The following NELL1 variants were observed in gnomAD, a reference collection of about 807,000 sequenced individuals.
NELL1 encodes neural EGFL like 1.
Under a neutral mutation model 107.4 loss-of-function variants are expected in NELL1, and 76 were observed. The observed-to-expected ratio is 0.71, with a 90% CI of 0.59 to 0.86. The LOEUF (loss-of-function observed/expected upper bound fraction) is 0.86. NELL1 is among the 40% of genes least tolerant of loss of function. The pLI is 0.00. For missense variants in NELL1, 1,024 were observed against 1,005.5 expected, an observed-to-expected ratio of 1.02 and a Z score of -0.25; for synonymous variants, 353 against 341.2, an observed-to-expected ratio of 1.03 and a Z score of -0.38.
chr11:20,934,512 G>T (rs548718661), intron 9 of NELL1, among the ~76,000 whole-genome samples: 2 of 152,324 alleles, frequency 1.3e-5, no homozygotes, highest in African/African-American at 4.8e-5. Flanking sequence ...TAGGAGTTTT[G>T]GGATGAGCCT....
intron 12 of NELL1, among the ~76,000 whole-genome samples, chr11:21,023,213 C>A (rs918824592): frequency 6.6e-6 from 1 of 152,052 alleles, no homozygotes; most frequent in Admixed American, 6.6e-5. Flanking sequence ...CGGTTAAGTT[C>A]TTTCCAGAGC....
chr11:21,179,300 G>C (rs1856776859), intron 13 of NELL1, among the ~76,000 whole-genome samples: 1 of 151,860 alleles, frequency 6.6e-6, no homozygotes. Context: ...AATATATTTG[G>C]AAGGTTTTGA....
chr11:21,312,530 G>T (rs1157156490), intron 14 of NELL1, among the ~76,000 whole-genome samples: 1 of 152,142 alleles, frequency 6.6e-6, no homozygotes, highest in Non-Finnish European at 1.5e-5. Flanking sequence ...ACTGGCTTCA[G>T]TACCTTACAT....
chr11:20,757,988 A>C (rs1337039542), intron 2 of NELL1, among the ~76,000 whole-genome samples: 1 of 152,176 alleles, frequency 6.6e-6, no homozygotes, highest in East Asian at 1.9e-4. Context: ...CCTGGTTTGC[A>C]GATAGCCTCC....
intron 13 of NELL1, among the ~76,000 whole-genome samples, chr11:21,125,798 T>G (rs200784426): frequency 6.6e-6 from 1 of 152,202 alleles, no homozygotes; most frequent in East Asian, 1.9e-4. Context: ...TCCATTTTTA[T>G]TGATCTACAA....
chr11:21,080,607 T>C (rs1854243832), intron 12 of NELL1, among the ~76,000 whole-genome samples: 1 of 152,108 alleles, frequency 6.6e-6, no homozygotes, highest in African/African-American at 2.4e-5. Flanking sequence ...TTAGGTTTTT[T>C]CCAGGTTTAC....
chr11:20,683,822 G>T (rs1854244346), intron 2 of NELL1, among the ~76,000 whole-genome samples: 1 of 151,872 alleles, frequency 6.6e-6, no homozygotes, highest in South Asian at 2.1e-4. Flanking sequence ...CCAACAAGAA[G>T]TCTGTTGTTA....
intron 4 of NELL1, among the ~76,000 whole-genome samples, chr11:20,851,643 C>T (rs1848797708): frequency 6.6e-6 from 1 of 152,174 alleles, no homozygotes; most frequent in Admixed American, 6.5e-5. Context: ...CCTTTCACAA[C>T]AAAATGAATT....
chr11:21,092,729 A>T (rs1854550032), intron 12 of NELL1, among the ~76,000 whole-genome samples: 1 of 152,230 alleles, frequency 6.6e-6, no homozygotes, highest in African/African-American at 2.4e-5. Context: ...ATGTTATTAC[A>T]TAGCAAGGTA....
intron 14 of NELL1, among the ~76,000 whole-genome samples, chr11:21,265,706 T>C (rs529374969): frequency 6.6e-6 from 1 of 152,166 alleles, no homozygotes; most frequent in African/African-American, 2.4e-5. Flanking sequence ...TTAAGGCAAA[T>C]CTTTGGTATA....
chr11:21,314,594 C>T (rs1314424964), intron 14 of NELL1, among the ~76,000 whole-genome samples: 2 of 152,182 alleles, frequency 1.3e-5, no homozygotes, highest in East Asian at 3.9e-4. Flanking sequence ...CAAACCTAGA[C>T]ATGGTCCCTG....
At chr11:21,224,700 C>G (rs1857848709) in intron 13 of NELL1, among the ~76,000 whole-genome samples, 1 of 152,120 alleles carries the variant, frequency 6.6e-6, no homozygotes, top group African/African-American at 2.4e-5. Flanking sequence ...GAGCTGTCTT[C>G]AAGTTTAGAA....
chr11:20,966,604 A>G (rs61883263), intron 12 of NELL1, among the ~76,000 whole-genome samples: 10,722 of 152,090 alleles, frequency 0.07, 483 homozygotes, highest in Non-Finnish European at 0.097. Flanking sequence ...GTACCCAGGT[A>G]TCTGTCAATC....
intron 15 of NELL1, among the ~76,000 whole-genome samples, chr11:21,461,508 G>A (rs1156597579): frequency 6.6e-6 from 1 of 152,030 alleles, no homozygotes; most frequent in Non-Finnish European, 1.5e-5. Context: ...ATTAACAGAA[G>A]GTCTCCAAAT....
intron 14 of NELL1, among the ~76,000 whole-genome samples, chr11:21,332,124 T>C (rs1850285774): frequency 6.6e-6 from 1 of 152,070 alleles, no homozygotes; most frequent in African/African-American, 2.4e-5. Context: ...TGATCAGAAC[T>C]TTAATGTCTC....
intron 15 of NELL1, among the ~76,000 whole-genome samples, chr11:21,475,956 A>G (rs1854323019): frequency 6.6e-6 from 1 of 152,232 alleles, no homozygotes; most frequent in East Asian, 1.9e-4. Context: ...TACTTCTATT[A>G]CTCAAGTATT....
intron 3 of NELL1, among the ~76,000 whole-genome samples, chr11:20,813,992 T>G (rs1391256669): frequency 6.6e-6 from 1 of 151,632 alleles, no homozygotes; most frequent in Non-Finnish European, 1.5e-5. Context: ...AATTTATTTA[T>G]TTATTTATTT....
chr11:21,144,121 G>C (rs1855924105), intron 13 of NELL1, among the ~76,000 whole-genome samples: 1 of 152,204 alleles, frequency 6.6e-6, no homozygotes, highest in Non-Finnish European at 1.5e-5. Flanking sequence ...TTAGTTTCTG[G>C]AGAGTTTCTG....
intron 15 of NELL1, among the ~76,000 whole-genome samples, chr11:21,476,531 G>T (rs1244906135): frequency 1.3e-5 from 2 of 152,040 alleles, no homozygotes; most frequent in African/African-American, 4.8e-5. Flanking sequence ...AAATGATAGA[G>T]AAATGGAGCA....
Sources: allele counts gnomAD v4.1 joint callset (sites outside exome capture counted in the v4.1 genomes callset), GRCh38; gene constraint gnomAD v4.1.1; transcripts MANE v1.5; gene names NCBI Gene and HGNC (gene_info 2026-07-23, HGNC 2026-07-21).